ASMTL: variants seen among roughly 807,000 people sequenced by gnomAD.
ASMTL encodes the protein probable bifunctional dTTP/UTP pyrophosphatase/methyltransferase protein.
A neutral mutation model predicts 60.3 loss-of-function variants in ASMTL; 57 were observed. That is an observed-to-expected ratio of 0.95 (90% CI 0.76 to 1.18). ASMTL has a LOEUF of 1.18. Among genes scored for constraint, ASMTL ranks in the 50% most tolerant of loss-of-function variants. ASMTL has a pLI of 0.00. For synonymous variants in ASMTL, 419 were observed against 373.0 expected (o/e 1.12, Z -1.42); for missense variants, 981 against 852.6 (o/e 1.15, Z -1.88).
chrX:1,432,353 G>A lies in ASMTL; in HGVS notation c.425C>T (p.Ser142Leu), dbSNP rs781706143. ...CACCTTCGTTTCCTCGTAGAATTCC[G>A]AGACCCTGGTGTCCAGCTGATGGTC... ...SKDHQLDTRVSEFYEETKVKF... is the reference protein window; with the variant it reads ...SKDHQLDTRVLEFYEETKVKF... The change falls in exon 6 of 13, where the codon TCG becomes TTG. Residue 142 changes from serine (S) to leucine (L), a missense_variant. By Grantham distance (145) the Ser-to-Leu change is moderately radical. Coordinates refer to ENST00000381317, the MANE Select transcript of ASMTL (RefSeq NM_004192.4). 6 of 1,612,968 alleles carry A rather than the reference G, an allele frequency of 3.7e-6. No individual in the cohort carries two copies. Among genetic ancestry groups the A allele is most frequent in the East Asian group, 4.5e-5 (2 of 44,884 alleles).
At chrX:1,407,060 G>GTATATA (rs2089884572) in intron 12 of ASMTL, among the ~76,000 whole-genome samples, 2 of 149,708 alleles carry the variant, frequency 1.3e-5, no homozygotes, top group Non-Finnish European at 3.0e-5. Context: ...ATGGATGGAT[G>GTATATA]GATGCATGCA....
intron 5 of ASMTL, among the ~76,000 whole-genome samples, chrX:1,433,212 C>G (rs1321409253): frequency 4.6e-5 from 7 of 152,098 alleles, no homozygotes; most frequent in Non-Finnish European, 8.8e-5. Flanking sequence ...AGGCGTTTTG[C>G]TATGTGGTGA....
chrX:1,452,855 G>C lies in ASMTL; in HGVS notation c.-15C>G. The C allele has an allele frequency of 3.9e-6, 6 of 1,551,028 alleles. No homozygotes were observed. Among genetic ancestry groups the C allele is most frequent in the Non-Finnish European group, 5.2e-6 (6 of 1,157,214 alleles). ...CACAGCACCATGGCGTCCACGCCGG[G>C]AGCCGGGCGTCCGCACTTCTGAGCC... is the stretch of plus-strand genomic sequence containing the variant. On this transcript the variant is annotated 5_prime_UTR_variant, in exon 1 of 13. Transcript: ENST00000381317.
chrX:1,418,616 A>G (rs2090385090), intron 10 of ASMTL, among the ~76,000 whole-genome samples: 1 of 151,944 alleles, frequency 6.6e-6, no homozygotes, highest in African/African-American at 2.4e-5. Context: ...CCAGGCCCCG[A>G]TCCCCCAGCA....
intron 5 of ASMTL, among the ~76,000 whole-genome samples, chrX:1,433,517 A>AAC (rs1310336666): frequency 6.7e-6 from 1 of 149,936 alleles, no homozygotes; most frequent in Non-Finnish European, 1.5e-5. Flanking sequence ...AAAAAAAAAA[A>AAC]AAAAAATAGA....
Position 1,442,239 on chromosome X carries a change from C to A in ASMTL, c.172G>T (p.Ala58Ser). ...KASFATPYGY[A>S]METAKQKALE... ...GCCTTCTGCTTGGCGGTCTCCATGGCGTACCCATACGGAGTAGCGAAGGAG... is the reference window on the plus strand; with the variant it reads ...GCCTTCTGCTTGGCGGTCTCCATGGAGTACCCATACGGAGTAGCGAAGGAG... The change falls in exon 2 of 13, where the codon GCC becomes TCC. Residue 58 changes from alanine (A) to serine (S), a missense_variant. Coordinates refer to ENST00000381317, the MANE Select transcript of ASMTL (RefSeq NM_004192.4). 3.1e-6 allele frequency: 5 copies of A among 1,613,850 alleles called. No individual in the cohort carries two copies. The highest frequency in any genetic ancestry group is 4.2e-6 in the Non-Finnish European group (5 of 1,179,854).
intron 11 of ASMTL, among the ~76,000 whole-genome samples, chrX:1,417,256 A>G (rs2090321703): frequency 6.6e-6 from 1 of 151,020 alleles, no homozygotes; most frequent in Non-Finnish European, 1.5e-5. Context: ...ACACACACAC[A>G]CCTACCAGCA....
At position 1,405,557 on chromosome X, in the gene ASMTL, A is replaced by G. The variant is rs781728422; in HGVS notation, c.1646-2068T>C. On this transcript the variant is annotated intron_variant, in intron 12 of 12. Transcript: ENST00000381317. ...TAGGTAGGTAGACGGATGGATGGAT[A>G]GATGGATGCATGCATGAGATGGATG... Among the ~76,000 whole-genome samples the G allele has an allele frequency of 1.2e-3, 183 of 149,638 alleles. 1 individual carries two copies. Among genetic ancestry groups the G allele is most frequent in the African/African-American group, 4.4e-3 (177 of 40,590 alleles).
At chrX:1,427,429 A>G (rs756192357) in intron 7 of ASMTL, among the ~76,000 whole-genome samples, 2 of 152,120 alleles carry the variant, frequency 1.3e-5, no homozygotes, top group South Asian at 2.1e-4. Context: ...GTGGACTCCA[A>G]GTCCAATGAC....
chrX:1,432,475 C>T (rs1233666973), intron 5 of ASMTL, 98 bp from the exon 6 acceptor site: 9 of 848,760 alleles, frequency 1.1e-5, no homozygotes, highest in Admixed American at 4.0e-5. Flanking sequence ...TGTACTCGAG[C>T]GCAGCGCACA....
chrX:1,403,895 C>T (rs1229853031), intron 12 of ASMTL, among the ~76,000 whole-genome samples: 1 of 151,312 alleles, frequency 6.6e-6, no homozygotes, highest in Admixed American at 6.6e-5. Flanking sequence ...TAGATGGATG[C>T]ATGTATGAGA....
At chrX:1,452,693 CG>C in intron 1 of ASMTL, 54 bp downstream of exon 1, 1 of 1,459,686 alleles carries the variant, frequency 6.9e-7, no homozygotes. Context: ...CTGGGCCCTC[CG>C]GGGTTCAGCC....
At chrX:1,416,177 A>T (rs1291363967) in intron 11 of ASMTL, among the ~76,000 whole-genome samples, 1 of 145,728 alleles carries the variant, frequency 6.9e-6, no homozygotes, top group African/African-American at 2.8e-5. Context: ...AGATATAGCG[A>T]CAGGCACACA....
At chrX:1,434,397 G>C (rs184741032) in intron 5 of ASMTL, among the ~76,000 whole-genome samples, 16 of 151,980 alleles carry the variant, frequency 1.1e-4, no homozygotes, top group Admixed American at 8.5e-4. Flanking sequence ...GGCTGAGGCG[G>C]GAGGATCGCT....
rs186936770 is a variant in ASMTL, at chrX:1,416,574, C to T, written c.1522+1399G>A. ...AGAGATACCCCAACAGGCACACAGA[C>T]GCAGACACACAGACATACACACATA... On this transcript the variant is annotated intron_variant, in intron 11 of 12. Transcript: ENST00000381317. Among the ~76,000 whole-genome samples, 311 of 149,380 alleles carry T rather than the reference C, an allele frequency of 2.1e-3. 2 individuals are homozygous for T. Among genetic ancestry groups the T allele is most frequent in the African/African-American group, 6.8e-3 (273 of 40,410 alleles).
chrX:1,451,355 T>C (rs112249719), intron 1 of ASMTL, among the ~76,000 whole-genome samples: 11,842 of 132,102 alleles, frequency 0.09, 1,680 homozygotes, highest in African/African-American at 0.31. Context: ...CCCCATTCCT[T>C]GGGGGTCCCG....
intron 8 of ASMTL, among the ~76,000 whole-genome samples, chrX:1,424,754 C>T (rs1337431298): frequency 6.6e-6 from 1 of 151,818 alleles, no homozygotes; most frequent in Non-Finnish European, 1.5e-5. Flanking sequence ...ATCCATCTAT[C>T]CACTCACCCA....
intron 12 of ASMTL, 36 bp downstream of exon 12, chrX:1,412,696 T>A: frequency 6.2e-7 from 1 of 1,613,858 alleles, no homozygotes; most frequent in Middle Eastern, 1.7e-4. Context: ...ATACTACGTC[T>A]TAACAAAAAC....
intron 8 of ASMTL, among the ~76,000 whole-genome samples, chrX:1,422,343 G>T (rs2090503814): frequency 6.6e-6 from 1 of 152,194 alleles, no homozygotes; most frequent in East Asian, 1.9e-4. Context: ...AATTCCACTT[G>T]AAGATGGCAG....
Sources: gnomAD v4.1 joint callset for allele counts (sites outside exome capture counted in the v4.1 genomes callset) on GRCh38, gnomAD v4.1.1 for gene constraint, MANE v1.5 for transcripts, NCBI Gene and HGNC (gene_info 2026-07-23, HGNC 2026-07-21) for gene names.